PGM5: variants seen among roughly 807,000 people sequenced by gnomAD.
PGM5 encodes the protein phosphoglucomutase 5, also known as phosphoglucomutase-like protein 5.
A neutral mutation model predicts 59.2 loss-of-function variants in PGM5; 23 were observed. That is an observed-to-expected ratio of 0.39 (90% CI 0.28 to 0.55). The LOEUF is 0.55. Among genes scored for constraint, PGM5 ranks in the 20% least tolerant of loss-of-function variants. The pLI, the probability that PGM5 is intolerant of heterozygous loss-of-function variation, is 0.66. For synonymous variants in PGM5, 214 were observed against 286.0 expected (o/e 0.75, Z 2.54); for missense variants, 574 against 748.3 (o/e 0.77, Z 2.72).
At chr9:68,483,740 G>A in intron 8 of PGM5, 125 bp from the exon 9 acceptor site, 10 of 737,252 alleles carry the variant, frequency 1.4e-5, no homozygotes, top group Non-Finnish European at 1.8e-5. Context: ...GAGGGGAGAT[G>A]AGTTGAAGGT....
At chr9:68,438,899 T>A (rs1009483455) in intron 6 of PGM5, among the ~76,000 whole-genome samples, 3 of 152,096 alleles carry the variant, frequency 2.0e-5, no homozygotes, top group Non-Finnish European at 2.9e-5. Flanking sequence ...TCTTCTTTAC[T>A]CTCTGTGCCA....
At chr9:68,421,953 A>G (rs1823137530) in intron 6 of PGM5, among the ~76,000 whole-genome samples, 1 of 152,154 alleles carries the variant, frequency 6.6e-6, no homozygotes, top group Non-Finnish European at 1.5e-5. Context: ...CAAATATATA[A>G]AAAATGAAGA....
At chr9:68,465,551 A>G (rs1823920883) in intron 7 of PGM5, among the ~76,000 whole-genome samples, 1 of 152,230 alleles carries the variant, frequency 6.6e-6, no homozygotes, top group South Asian at 2.1e-4. Context: ...CCTCATCCGC[A>G]GGGGAACACT....
intron 6 of PGM5, among the ~76,000 whole-genome samples, chr9:68,452,244 C>T (rs549825941): frequency 6.6e-6 from 1 of 152,194 alleles, no homozygotes; most frequent in Admixed American, 6.5e-5. Flanking sequence ...GCCCTTCTAC[C>T]ACCAGCAGGC....
chr9:68,360,621 CTT>C (rs1834557512), intron 1 of PGM5, among the ~76,000 whole-genome samples: 1 of 151,320 alleles, frequency 6.6e-6, no homozygotes, highest in Admixed American at 6.6e-5. Flanking sequence ...TATTATAAAA[CTT>C]TGAAATTTTC....
intron 6 of PGM5, among the ~76,000 whole-genome samples, chr9:68,443,371 G>A (rs1823558195): frequency 6.6e-6 from 1 of 152,120 alleles, no homozygotes; most frequent in African/African-American, 2.4e-5. Flanking sequence ...GGAGGGAGGT[G>A]TGTGACTTCA....
intron 9 of PGM5, among the ~76,000 whole-genome samples, chr9:68,484,569 C>T (rs1392658110): frequency 6.7e-6 from 1 of 149,340 alleles, no homozygotes; most frequent in Non-Finnish European, 1.5e-5. Flanking sequence ...CACACACACA[C>T]ACACACACAA....
At chr9:68,413,765 G>A (rs1333992857) in intron 6 of PGM5, among the ~76,000 whole-genome samples, 1 of 152,192 alleles carries the variant, frequency 6.6e-6, no homozygotes, top group African/African-American at 2.4e-5. Context: ...TGCCCATGAT[G>A]TCCTGATGCA....
chr9:68,426,111 A>T (rs1453766501), intron 6 of PGM5, among the ~76,000 whole-genome samples: 1 of 152,202 alleles, frequency 6.6e-6, no homozygotes, highest in Non-Finnish European at 1.5e-5. Flanking sequence ...AACTTGCAGA[A>T]GTTGCCCAGC....
chr9:68,462,097 A>G (rs1554685445), intron 6 of PGM5, among the ~76,000 whole-genome samples: 1 of 152,096 alleles, frequency 6.6e-6, no homozygotes, highest in African/African-American at 2.4e-5. Flanking sequence ...CTAAAGAGTT[A>G]TATCCAGCAT....
chr9:68,411,018 T>C (rs188581174), intron 6 of PGM5, among the ~76,000 whole-genome samples: 4 of 152,234 alleles, frequency 2.6e-5, no homozygotes, highest in Admixed American at 2.6e-4. Context: ...TCACATACGA[T>C]GTGGTCTTAT....
chr9:68,497,678 A>G lies in PGM5; in HGVS notation c.1480-1549A>G, dbSNP rs572127953. ...TGAGGCCAGAGAAATTTCAAGGATA[A>G]ATTGCTTTGGGAGAATGCCTGATAT... On this transcript the variant is annotated intron_variant, in intron 9 of 10. Coordinates refer to ENST00000396396, the MANE Select transcript of PGM5 (RefSeq NM_021965.4). 5.9e-5 allele frequency: 9 copies of G among 152,332 alleles called. No individual in the cohort carries two copies. The South Asian group carries it at 1.5e-3, about 25-fold the overall frequency. The allele number at this position is 152,332 out of a possible 1,614,324, so 9.4% of individuals were successfully genotyped here.
At position 68,415,270 on chromosome 9, in the gene PGM5, G is replaced by T. The variant is rs545055217; in HGVS notation, c.1043+22797G>T. 5.3e-5 allele frequency among the ~76,000 whole-genome samples: 8 copies of T among 149,534 alleles called. No individual in the cohort carries two copies. The East Asian group carries it at 1.2e-3, about 22-fold the overall frequency. On this transcript the variant is annotated intron_variant, in intron 6 of 10. Transcript: ENST00000396396. The stretch of plus-strand genomic sequence containing the variant: ...ACCTAGAGAACTGGGCAGAGCTCTG[G>T]GCAGTGTGGGATCTGCCCACACCTC...
Position 68,376,851 on chromosome 9 carries a change from C to CTTT in PGM5, c.262-1347_262-1346insTTT, listed in dbSNP as rs1563984927. 3.8e-3 allele frequency among the ~76,000 whole-genome samples: 307 copies of CTTT among 81,864 alleles called. 26 individuals carry two copies. Among genetic ancestry groups the CTTT allele is most frequent in the African/African-American group, 0.013 (292 of 22,666 alleles). 53.7% of individuals were successfully genotyped at this position (81,864 alleles called of 152,430 possible). ...TTTCTTTCTCTTTCTTTCTTTCTTT[C>CTTT]TCTTTCTTTCTTTTTTCTTTCTCTT... On this transcript the variant is annotated intron_variant, in intron 1 of 10. Transcript: ENST00000396396.
At chr9:68,477,001 T>TA (rs1554686720) in intron 7 of PGM5, among the ~76,000 whole-genome samples, 1 of 152,174 alleles carries the variant, frequency 6.6e-6, no homozygotes, top group Non-Finnish European at 1.5e-5. Flanking sequence ...TTTTCAGCTG[T>TA]AAAAGGACAA....
intron 6 of PGM5, among the ~76,000 whole-genome samples, chr9:68,394,821 TA>T (rs1822457618): frequency 6.6e-6 from 1 of 152,066 alleles, no homozygotes; most frequent in Non-Finnish European, 1.5e-5. Context: ...GAGATCTTGC[TA>T]TGTTGCCTAG....
At chr9:68,486,553 C>T (rs1440205332) in intron 9 of PGM5, among the ~76,000 whole-genome samples, 1 of 152,196 alleles carries the variant, frequency 6.6e-6, no homozygotes, top group African/African-American at 2.4e-5. Context: ...TTATGACTAG[C>T]TTCTTTCACT....
chr9:68,434,346 GA>G (rs1411952735), intron 6 of PGM5, among the ~76,000 whole-genome samples: 1 of 142,420 alleles, frequency 7.0e-6, no homozygotes, highest in South Asian at 2.2e-4. Context: ...AAAAGAAAAA[GA>G]AAAAAAGAAA....
intron 6 of PGM5, chr9:68,406,253 A>G (rs1475028947): frequency 1.2e-4 from 19 of 152,064 alleles, no homozygotes; most frequent in African/African-American, 4.6e-4. Flanking sequence ...TTCTTATAAC[A>G]GAATACCTGA....
Sources: allele counts gnomAD v4.1 joint callset (sites outside exome capture counted in the v4.1 genomes callset), GRCh38; gene constraint gnomAD v4.1.1; transcripts MANE v1.5; gene names NCBI Gene and HGNC (gene_info 2026-07-23, HGNC 2026-07-21).